Variants in EPB41L4A observed in about 807,000 individuals in gnomAD.
EPB41L4A encodes band 4.1-like protein 4A.
Under a neutral mutation model 108.6 loss-of-function variants are expected in EPB41L4A, and 100 were observed. The ratio of observed to expected loss-of-function variants is 0.92; its 90% CI spans 0.78 to 1.09. The LOEUF is 1.09. Among genes scored for constraint, EPB41L4A ranks in the 50% least tolerant of loss-of-function variants. The pLI is 0.00. For missense variants in EPB41L4A, 1,030 were observed against 842.7 expected, an observed-to-expected ratio of 1.22 and a Z score of -2.75; for synonymous variants, 319 against 289.0, an observed-to-expected ratio of 1.10 and a Z score of -1.05.
intron 1 of EPB41L4A, among the ~76,000 whole-genome samples, chr5:112,394,478 C>T (rs1037147538): frequency 6.6e-6 from 1 of 152,168 alleles, no homozygotes. Context: ...CATGAGTGCA[C>T]TCCCATTCAC....
intron 13 of EPB41L4A, among the ~76,000 whole-genome samples, chr5:112,145,255 A>G (rs1188506487): frequency 6.6e-6 from 1 of 152,082 alleles, no homozygotes; most frequent in Non-Finnish European, 1.5e-5. Context: ...ACATTGCTGC[A>G]CTCCAGCCTG....
intron 1 of EPB41L4A, among the ~76,000 whole-genome samples, chr5:112,391,599 G>A (rs907662571): frequency 2.0e-5 from 3 of 152,142 alleles, no homozygotes; most frequent in African/African-American, 4.8e-5. Flanking sequence ...CCAAATCTAC[G>A]TCTGATTGGT....
chr5:112,381,852 AT>A (rs942032999), intron 1 of EPB41L4A, among the ~76,000 whole-genome samples: 8 of 152,200 alleles, frequency 5.3e-5, no homozygotes, highest in Non-Finnish European at 8.8e-5. Flanking sequence ...TGTCCCACCA[AT>A]TCCACACTGA....
intron 18 of EPB41L4A, among the ~76,000 whole-genome samples, chr5:112,176,943 C>T (rs1013549786): frequency 6.6e-6 from 1 of 151,542 alleles, no homozygotes; most frequent in South Asian, 2.1e-4. Flanking sequence ...TTAGTAGAGA[C>T]GAGGTTTCAC....
chr5:112,228,624 G>C (rs1452284350), intron 12 of EPB41L4A: 1 of 843,876 alleles, frequency 1.2e-6, no homozygotes, highest in Non-Finnish European at 1.4e-6. Flanking sequence ...TTTTCTTATA[G>C]CTAATTATGA....
At chr5:112,242,818 T>C (rs574306388) in intron 9 of EPB41L4A, among the ~76,000 whole-genome samples, 272 of 152,356 alleles carry the variant, frequency 1.8e-3, no homozygotes, top group African/African-American at 6.2e-3. Context: ...TACATCTCCA[T>C]GATAGCTCTA....
chr5:112,280,775 T>C (rs758732895), intron 2 of EPB41L4A, among the ~76,000 whole-genome samples: 13 of 152,204 alleles, frequency 8.5e-5, no homozygotes, highest in Non-Finnish European at 1.6e-4. Context: ...ACAAGTGACT[T>C]CTATTTTTGG....
At chr5:112,305,531 T>A (rs753117385) in intron 2 of EPB41L4A, among the ~76,000 whole-genome samples, 3 of 152,200 alleles carry the variant, frequency 2.0e-5, no homozygotes, top group Admixed American at 1.3e-4. Context: ...GGGTTTTTTT[T>A]AAATCCTTAT....
chr5:112,234,562 T>C (rs1749192427), intron 12 of EPB41L4A, 72 bp downstream of exon 12: 2 of 1,457,520 alleles, frequency 1.4e-6, no homozygotes, highest in Admixed American at 3.8e-5. Flanking sequence ...AGACATCACC[T>C]GAGTATATCT....
intron 12 of EPB41L4A, among the ~76,000 whole-genome samples, chr5:112,222,542 C>G (rs1748140895): frequency 6.6e-6 from 1 of 152,230 alleles, no homozygotes; most frequent in Non-Finnish European, 1.5e-5. Flanking sequence ...GAATGCACAA[C>G]AGGATCTCAC....
At chr5:112,287,634 G>C (rs1753375037) in intron 2 of EPB41L4A, among the ~76,000 whole-genome samples, 1 of 152,080 alleles carries the variant, frequency 6.6e-6, no homozygotes, top group Non-Finnish European at 1.5e-5. Flanking sequence ...TAACCTATAA[G>C]GCCTTCCATG....
intron 1 of EPB41L4A, among the ~76,000 whole-genome samples, chr5:112,400,626 C>G (rs1488597328): frequency 6.6e-6 from 1 of 152,090 alleles, no homozygotes; most frequent in East Asian, 1.9e-4. Context: ...AAGACAGGAC[C>G]AAGCCATGAG....
chr5:112,371,838 C>T (rs775298167), intron 1 of EPB41L4A, among the ~76,000 whole-genome samples: 25 of 152,088 alleles, frequency 1.6e-4, no homozygotes, highest in Admixed American at 6.5e-5. Context: ...TGCTACAAGG[C>T]CAGATTGGGT....
chr5:112,416,331 G>A (rs1479068767), intron 1 of EPB41L4A, among the ~76,000 whole-genome samples: 1 of 151,914 alleles, frequency 6.6e-6, no homozygotes, highest in African/African-American at 2.4e-5. Flanking sequence ...GTGCATTACT[G>A]TAACAATAAT....
In EPB41L4A at chr5:112,195,542, C is replaced by T. The variant is rs1372499742; in HGVS notation, c.1424+119G>A. On this transcript the variant is annotated intron_variant, in intron 16 of 22. Coordinates refer to ENST00000261486, the MANE Select transcript of EPB41L4A (RefSeq NM_022140.5). ...TGGGAATCAGCTGAAGACAAACTGG[C>T]TTTTGAAAGTAAAAAAAATAAAAAA... 8 of 818,744 alleles carry T rather than the reference C, an allele frequency of 9.8e-6. No individual in the cohort carries two copies. The South Asian group carries it at 1.3e-4, about 13-fold the overall frequency. 50.7% of individuals were successfully genotyped at this position (818,744 alleles called of 1,614,324 possible). A position where few individuals can be genotyped will look rare whatever the true frequency, so the allele number is the denominator to read the frequency against.
chr5:112,179,700 C>G (rs1449589070), intron 18 of EPB41L4A, among the ~76,000 whole-genome samples: 1 of 152,132 alleles, frequency 6.6e-6, no homozygotes, highest in Non-Finnish European at 1.5e-5. Context: ...CAGCTAGCAT[C>G]ATATATAATG....
At chr5:112,300,591 A>G (rs553185786) in intron 2 of EPB41L4A, among the ~76,000 whole-genome samples, 3 of 152,194 alleles carry the variant, frequency 2.0e-5, no homozygotes, top group African/African-American at 7.2e-5. Context: ...TCTTTCCCTC[A>G]TCTTAACTTT....
chr5:112,285,819 C>G (rs1753242510), intron 2 of EPB41L4A, among the ~76,000 whole-genome samples: 1 of 152,144 alleles, frequency 6.6e-6, no homozygotes, highest in Admixed American at 6.6e-5. Context: ...TGCAATGTGA[C>G]AGGCACTGTT....
intron 1 of EPB41L4A, among the ~76,000 whole-genome samples, chr5:112,313,645 C>T (rs1755192998): frequency 6.6e-6 from 1 of 152,028 alleles, no homozygotes; most frequent in Non-Finnish European, 1.5e-5. Flanking sequence ...ACACATATAA[C>T]TTGCAATTCT....
Sources: allele counts gnomAD v4.1 joint callset (sites outside exome capture counted in the v4.1 genomes callset), GRCh38; gene constraint gnomAD v4.1.1; transcripts MANE v1.5; gene names NCBI Gene and HGNC (gene_info 2026-07-23, HGNC 2026-07-21).